DDX20: variants seen among roughly 807,000 people sequenced by gnomAD.
The protein encoded by DDX20 is probable ATP-dependent RNA helicase DDX20.
Under a neutral mutation model 76.4 loss-of-function variants are expected in DDX20, and 61 were observed. The ratio of observed to expected loss-of-function variants is 0.80; its 90% CI spans 0.65 to 0.99. The LOEUF (loss-of-function observed/expected upper bound fraction) is 0.99. Among genes scored for constraint, DDX20 ranks in the 50% least tolerant of loss-of-function variants. The pLI, the probability that DDX20 is intolerant of heterozygous loss-of-function variation, is 0.00. For synonymous variants in DDX20, 357 were observed against 357.4 expected, an observed-to-expected ratio of 1.00 and a Z score of 0.01; for missense variants, 976 against 996.8, an observed-to-expected ratio of 0.98 and a Z score of 0.28.
At chr1:111,764,281 CAAA>C (rs150494967) in intron 10 of DDX20, among the ~76,000 whole-genome samples, 1 of 127,388 alleles carries the variant, frequency 7.9e-6, no homozygotes, top group Admixed American at 8.3e-5. Flanking sequence ...GACTCAGTCT[CAAA>C]AAAAAAAAAG....
intron 10 of DDX20, among the ~76,000 whole-genome samples, chr1:111,764,383 A>G (rs748635124): frequency 5.9e-5 from 9 of 152,208 alleles, no homozygotes; most frequent in Non-Finnish European, 1.3e-4. Flanking sequence ...TACCGACTTT[A>G]TATTTAATTA....
intron 10 of DDX20, among the ~76,000 whole-genome samples, chr1:111,763,850 G>A (rs1424163167): frequency 2.0e-5 from 3 of 152,018 alleles, no homozygotes; most frequent in Admixed American, 6.5e-5. Context: ...TGGAAACAAC[G>A]CATGTTTAAA....
chr1:111,765,935 T>C lies in DDX20; in HGVS notation c.1511T>C (p.Leu504Pro). ...ASSRNNSVSGLSVKSKNNTKQ... is the reference protein window; with the variant it reads ...ASSRNNSVSGPSVKSKNNTKQ... Reference sequence around the variant, plus strand: ...TCTAGAAATAATTCTGTATCTGGACTATCAGTCAAATCAAAAAATAATACC... The same window carrying C: ...TCTAGAAATAATTCTGTATCTGGACCATCAGTCAAATCAAAAAATAATACC... The change falls in exon 11 of 11, where the codon CTA (leucine) becomes CCA (proline). Residue 504 changes from leucine to proline, a missense_variant. Transcript: ENST00000369702. 2 of 1,613,520 alleles carry C rather than the reference T, an allele frequency of 1.2e-6. No individual in the cohort carries two copies. Among genetic ancestry groups the C allele is most frequent in the Non-Finnish European group, 1.7e-6 (2 of 1,179,892 alleles).
At position 111,766,026 on chromosome 1, in the gene DDX20, A is replaced by C. The variant is rs773586584; in HGVS notation, c.1602A>C (p.Lys534Asn). The part of the protein sequence containing the change: ...CGIIEKATSP[K>N]ELGCDRQSEE... ...TCATAGAAAAAGCAACGTCACCAAA[A>C]GAACTGGGCTGTGACAGGCAATCCG... The change falls in exon 11 of 11, where the codon AAA becomes AAC. Residue 534 changes from lysine (K) to asparagine (N), a missense_variant. Physicochemically the swap from Lys to Asn is moderately conservative, Grantham distance 94. Coordinates refer to ENST00000369702, the MANE Select transcript of DDX20 (RefSeq NM_007204.5). 6.2e-7 allele frequency: 1 copy of C among 1,614,206 alleles called. No individual in the cohort carries two copies. The highest frequency in any genetic ancestry group is 8.5e-7 in the Non-Finnish European group (1 of 1,180,030).
At position 111,766,350 on chromosome 1, in the gene DDX20, G is replaced by T. The variant is rs197413; in HGVS notation, c.1926G>T (p.Val642=). The T allele has an allele frequency of 2.0e-5, 32 of 1,613,862 alleles. No homozygotes were observed. The highest frequency in any genetic ancestry group is 2.7e-5 in the Non-Finnish European group (32 of 1,179,972). ...RNKVIEQRVP[V]LASSSQSGDS... ...AAGTTATTGAACAGAGAGTCCCTGT[G>T]TTGGCAAGTAGTAGCCAATCTGGAG... The change falls in exon 11 of 11, where the codon GTG becomes GTT. Residue 642 remains valine, a synonymous_variant. Transcript: ENST00000369702.
chr1:111,766,363 A>G lies in DDX20; in HGVS notation c.1939A>G (p.Ser647Gly), dbSNP rs1663779696. 3 of 1,614,198 alleles carry G rather than the reference A, an allele frequency of 1.9e-6. No individual in the cohort carries two copies. Among genetic ancestry groups the G allele is most frequent in the Non-Finnish European group, 2.5e-6 (3 of 1,180,030 alleles). ...GAGAGTCCCTGTGTTGGCAAGTAGT[A>G]GCCAATCTGGAGACTCTGAGAGTGA... ...EQRVPVLASS[S>G]QSGDSESDSD... The change falls in exon 11 of 11, where the codon AGC becomes GGC. Residue 647 changes from serine to glycine, a missense_variant. Physicochemically the swap from Ser to Gly is moderately conservative, Grantham distance 56. Around this residue, in one of 3 missense-constraint regions of DDX20, gnomAD observed 630 missense variants for 693.7 expected, o/e 0.91. Transcript: ENST00000369702.
chr1:111,760,264 G>A (rs197404), intron 3 of DDX20: 55,257 of 439,722 alleles, frequency 0.13, 4,528 homozygotes, highest in African/African-American at 0.29. Flanking sequence ...TTTATTTACT[G>A]GTGATGAAAC....
chr1:111,763,099 G>T (rs1350986548), intron 10 of DDX20, 92 bp downstream of exon 10: 1 of 1,021,624 alleles, frequency 9.8e-7, no homozygotes, highest in Non-Finnish European at 1.5e-6. Flanking sequence ...TGCTTATGAT[G>T]TGCTGGGTAC....
intron 9 of DDX20, 47 bp from the exon 10 acceptor site, chr1:111,762,859 T>C: frequency 5.6e-6 from 9 of 1,596,138 alleles, no homozygotes; most frequent in Non-Finnish European, 7.7e-6. Context: ...CTTTGAATAT[T>C]ATTTTTGTGA....
rs1663630694 is a variant in DDX20, at chr1:111,759,659, CTG to C, written c.565+94_565+95del. 3.9e-6 allele frequency: 5 copies of C among 1,291,182 alleles called. No individual in the cohort carries two copies. In the African/African-American group the frequency reaches 6.0e-5, roughly 16 times the overall value. 80.0% of individuals were successfully genotyped at this position (1,291,182 alleles called of 1,614,324 possible). A position where few individuals can be genotyped will look rare whatever the true frequency, so the allele number is the denominator to read the frequency against. On this transcript the variant is annotated intron_variant, in intron 3 of 10. Coordinates refer to ENST00000369702, the MANE Select transcript of DDX20 (RefSeq NM_007204.5). Reference sequence around the variant, plus strand: ...AAAGATATATGGGAGTCTTTGATAACTGTGATAATTATTTTGATTAGAAATGA... The same window carrying C: ...AAAGATATATGGGAGTCTTTGATAACTGATAATTATTTTGATTAGAAATGA...
chr1:111,764,003 A>T (rs1299933447), intron 10 of DDX20, among the ~76,000 whole-genome samples: 1 of 152,162 alleles, frequency 6.6e-6, no homozygotes, highest in Admixed American at 6.5e-5. Flanking sequence ...ATAGAAAAAT[A>T]CACATATAGG....
chr1:111,760,640 CTT>C, intron 4 of DDX20, 52 bp downstream of exon 4: 1 of 1,599,734 alleles, frequency 6.3e-7, no homozygotes, highest in East Asian at 2.2e-5. Flanking sequence ...AAGTATCTAT[CTT>C]TAGCTTTTCC....
chr1:111,758,612 G>T (rs1302751987), intron 2 of DDX20, among the ~76,000 whole-genome samples: 1 of 151,728 alleles, frequency 6.6e-6, no homozygotes, highest in Non-Finnish European at 1.5e-5. Flanking sequence ...TTTCCTCTTG[G>T]TGAAAACGCT....
chr1:111,755,946 T>C lies in DDX20; in HGVS notation c.22T>C (p.Ser8Pro), dbSNP rs1462481779. MAAAFEA[S>P]GALAAVATAM... The stretch of plus-strand genomic sequence containing the variant: ...TACCATGGCGGCGGCATTTGAAGCC[T>C]CGGGAGCCTTAGCAGCAGTGGCGAC... The change falls in exon 1 of 11, where the codon TCG becomes CCG. Residue 8 changes from serine to proline, a missense_variant. By Grantham distance (74) the Ser-to-Pro change is moderately conservative. This residue lies in a region of DDX20 where 343 missense variants were observed against 286.4 expected (regional missense o/e 1.20). Coordinates refer to ENST00000369702, the MANE Select transcript of DDX20 (RefSeq NM_007204.5). The C allele has an allele frequency of 6.3e-7, 1 of 1,585,002 alleles. No individual in the cohort carries two copies. The highest frequency in any genetic ancestry group is 1.3e-5 in the African/African-American group (1 of 74,308).
intron 2 of DDX20, among the ~76,000 whole-genome samples, 177 bp from the exon 3 acceptor site, chr1:111,759,223 G>A (rs1420207739): frequency 6.6e-6 from 1 of 152,042 alleles, no homozygotes; most frequent in East Asian, 1.9e-4. Flanking sequence ...GGTATTTGGG[G>A]GCTTCCTGGA....
intron 10 of DDX20, among the ~76,000 whole-genome samples, chr1:111,764,725 T>A (rs1251894659): frequency 1.3e-5 from 2 of 152,206 alleles, no homozygotes; most frequent in Non-Finnish European, 2.9e-5. Flanking sequence ...TATATTTGGA[T>A]CTTTATGTAA....
Position 111,766,918 on chromosome 1 carries a change from A to G in DDX20, c.*19A>G. ...CCAGTGATTATAGGATATACCTGAG[A>G]CCATCAGGAACTGTCAACAAATGAT... On this transcript the variant is annotated 3_prime_UTR_variant, in exon 11 of 11. Transcript: ENST00000369702. The G allele has an allele frequency of 6.4e-7, 1 of 1,554,244 alleles. No individual in the cohort carries two copies. The highest frequency in any genetic ancestry group is 2.3e-5 in the East Asian group (1 of 44,394).
At chr1:111,764,385 AT>A (rs1273098077) in intron 10 of DDX20, among the ~76,000 whole-genome samples, 1 of 152,202 alleles carries the variant, frequency 6.6e-6, no homozygotes, top group Non-Finnish European at 1.5e-5. Context: ...CCGACTTTAT[AT>A]TTAATTATTT....
chr1:111,766,779 A>G lies in DDX20; in HGVS notation c.2355A>G (p.Gln785=), dbSNP rs1188396024. 1 of 1,614,084 alleles carries G rather than the reference A, an allele frequency of 6.2e-7. No homozygotes were observed. Among genetic ancestry groups the G allele is most frequent in the Non-Finnish European group, 8.5e-7 (1 of 1,180,006 alleles). ...GGAGAGCTTACTACAGGGCATGGCA[A>G]GAATATTATGCTGCCGCTTCTCATT... The part of the protein sequence containing the change: ...EYWRAYYRAW[Q]EYYAAASHSY... Residue 785 remains glutamine, a synonymous_variant, in exon 11 of 11, where the codon CAA becomes CAG. Transcript: ENST00000369702.
Sources: allele counts gnomAD v4.1 joint callset (sites outside exome capture counted in the v4.1 genomes callset), GRCh38; gene constraint gnomAD v4.1.1; regional missense constraint gnomAD v4.1.1; transcripts MANE v1.5; gene names NCBI Gene and HGNC (gene_info 2026-07-23, HGNC 2026-07-21).